Variants in HMGCLL1 observed in about 807,000 individuals in gnomAD.
HMGCLL1 encodes the protein 3-hydroxy-3-methylglutaryl-CoA lyase like 1.
A neutral mutation model predicts 39.1 loss-of-function variants in HMGCLL1; 36 were observed. The ratio of observed to expected loss-of-function variants is 0.92; its 90% CI spans 0.71 to 1.22. HMGCLL1 has a LOEUF of 1.22. Among genes scored for constraint, HMGCLL1 ranks in the 50% most tolerant of loss-of-function variants. The pLI is 0.00. For missense variants in HMGCLL1, 451 were observed against 416.5 expected (o/e 1.08, Z -0.72); for synonymous variants, 149 against 144.0 (o/e 1.03, Z -0.25).
chr6:55,550,998 G>T (rs1021844554), intron 1 of HMGCLL1, among the ~76,000 whole-genome samples: 2 of 146,938 alleles, frequency 1.4e-5, no homozygotes, highest in African/African-American at 5.1e-5. Context: ...CAATGTAAAA[G>T]TCATGATCCC....
chr6:55,614,513 C>T, the HMGCLL1 span, among the ~76,000 whole-genome samples: 12,061 of 152,122 alleles, frequency 0.079, 646 homozygotes, highest in Non-Finnish European at 0.12. Flanking sequence ...TATAGCGGCC[C>T]AAGCTAAGAA....
intron 1 of HMGCLL1, among the ~76,000 whole-genome samples, chr6:55,560,177 T>C (rs537583146): frequency 5.9e-5 from 9 of 152,278 alleles, no homozygotes; most frequent in Admixed American, 2.0e-4. Flanking sequence ...TTATCAAACT[T>C]CTAAAGCAAA....
At chr6:55,491,801 A>G (rs1242531463) in intron 7 of HMGCLL1, among the ~76,000 whole-genome samples, 3 of 152,102 alleles carry the variant, frequency 2.0e-5, no homozygotes, top group Non-Finnish European at 4.4e-5. Flanking sequence ...TTTGGTTTTG[A>G]GGGATTATAA....
intron 3 of HMGCLL1, among the ~76,000 whole-genome samples, chr6:55,529,840 A>G (rs918735316): frequency 6.6e-6 from 1 of 152,172 alleles, no homozygotes; most frequent in Non-Finnish European, 1.5e-5. Context: ...GGTCCAACAG[A>G]GAACTCAATA....
intron 1 of HMGCLL1, among the ~76,000 whole-genome samples, chr6:55,554,091 A>C (rs1234335870): frequency 3.3e-5 from 5 of 152,202 alleles, no homozygotes; most frequent in Non-Finnish European, 7.3e-5. Flanking sequence ...GAGAGCTCGT[A>C]TTCAAAACCT....
At chr6:55,494,272 TACTC>T (rs1168871976) in intron 7 of HMGCLL1, among the ~76,000 whole-genome samples, 1 of 152,142 alleles carries the variant, frequency 6.6e-6, no homozygotes, top group Non-Finnish European at 1.5e-5. Context: ...AATAAATGAT[TACTC>T]AAAGTGTTAA....
chr6:55,642,343 A>C, the HMGCLL1 span, among the ~76,000 whole-genome samples: 2 of 151,746 alleles, frequency 1.3e-5, no homozygotes, highest in Admixed American at 1.3e-4. Context: ...AGTCTTTGCT[A>C]TTGTGAATAA....
At chr6:55,516,346 C>T (rs1409769795) in intron 4 of HMGCLL1, among the ~76,000 whole-genome samples, 162 bp downstream of exon 4, 1 of 152,002 alleles carries the variant, frequency 6.6e-6, no homozygotes, top group African/African-American at 2.4e-5. Context: ...ACTTTAGTCC[C>T]CAACAATGCT....
At chr6:55,573,712 T>C (rs1386431121) in intron 1 of HMGCLL1, among the ~76,000 whole-genome samples, 1 of 152,090 alleles carries the variant, frequency 6.6e-6, no homozygotes, top group African/African-American at 2.4e-5. Context: ...AGTTCTAATA[T>C]TCTTCAAATT....
intron 7 of HMGCLL1, among the ~76,000 whole-genome samples, chr6:55,493,701 T>C (rs1766431165): frequency 6.6e-6 from 1 of 150,882 alleles, no homozygotes. Flanking sequence ...ATTTTAGGAT[T>C]AGTTCCTTCT....
chr6:55,613,828 C>T, the HMGCLL1 span, among the ~76,000 whole-genome samples: 131 of 152,136 alleles, frequency 8.6e-4, no homozygotes, highest in African/African-American at 3.1e-3. Flanking sequence ...GCATGCAGGA[C>T]TTAATACCAA....
chr6:55,666,320 G>A, the HMGCLL1 span, among the ~76,000 whole-genome samples: 1 of 151,726 alleles, frequency 6.6e-6, no homozygotes, highest in African/African-American at 2.4e-5. Context: ...AGGGTACTCA[G>A]TAATCAGTTA....
the HMGCLL1 span, among the ~76,000 whole-genome samples, chr6:55,630,558 G>A: frequency 3.4e-4 from 51 of 152,092 alleles, no homozygotes; most frequent in African/African-American, 1.1e-3. Flanking sequence ...GATTTGGGAG[G>A]GGCCAGGGGT....
At chr6:55,613,104 G>GA in the HMGCLL1 span, among the ~76,000 whole-genome samples, 3 of 151,230 alleles carry the variant, frequency 2.0e-5, no homozygotes, top group Non-Finnish European at 3.0e-5. Flanking sequence ...AAATTCACAA[G>GA]AAAAAAAACT....
the HMGCLL1 span, among the ~76,000 whole-genome samples, chr6:55,641,875 T>G: frequency 9.5e-6 from 1 of 104,802 alleles, no homozygotes; most frequent in Non-Finnish European, 2.0e-5. Context: ...AATTTTTTTT[T>G]ATTTTTATTT....
intron 3 of HMGCLL1, among the ~76,000 whole-genome samples, chr6:55,530,906 G>GT (rs1168054367): frequency 6.6e-6 from 1 of 152,018 alleles, no homozygotes; most frequent in African/African-American, 2.4e-5. Flanking sequence ...CAGCCAAAAC[G>GT]TATGTCTTTA....
chr6:55,602,719 G>A, the HMGCLL1 span, among the ~76,000 whole-genome samples: 2 of 151,956 alleles, frequency 1.3e-5, no homozygotes, highest in African/African-American at 4.8e-5. Context: ...ATACAGATGC[G>A]AGATGATCTT....
chr6:55,436,762 T>C (rs1230571330), intron 8 of HMGCLL1, among the ~76,000 whole-genome samples: 2 of 152,144 alleles, frequency 1.3e-5, no homozygotes, highest in African/African-American at 2.4e-5. Flanking sequence ...ATTTTAGAAA[T>C]TGGAGACATT....
At chr6:55,463,274 C>T (rs1336850832) in intron 7 of HMGCLL1, among the ~76,000 whole-genome samples, 1 of 151,916 alleles carries the variant, frequency 6.6e-6, no homozygotes, top group Non-Finnish European at 1.5e-5. Context: ...TCAGGCAAAC[C>T]GCCTACCTCG....
Sources: gnomAD v4.1 joint callset for allele counts (sites outside exome capture counted in the v4.1 genomes callset) on GRCh38, gnomAD v4.1.1 for gene constraint, MANE v1.5 for transcripts, NCBI Gene and HGNC (gene_info 2026-07-23, HGNC 2026-07-21) for gene names.